Variants in DCAF1 observed in about 807,000 individuals in gnomAD.
DCAF1 encodes the protein DDB1 and CUL4 associated factor 1, also known as DDB1- and CUL4-associated factor 1.
In DCAF1, 15 loss-of-function variants were observed where a neutral mutation model predicts 128.0. The observed-to-expected ratio is 0.12, with a 90% CI of 0.08 to 0.18. DCAF1 has a LOEUF of 0.18. DCAF1 is among the 10% of genes least tolerant of loss of function. DCAF1 has a pLI of 1.00. For synonymous variants in DCAF1, 610 were observed against 603.0 expected, an observed-to-expected ratio of 1.01 and a Z score of -0.17; for missense variants, 988 against 1,649.5, an observed-to-expected ratio of 0.60 and a Z score of 6.95.
At chr3:51,414,878 G>C (rs1553629795) in intron 18 of DCAF1, 21 bp from the exon 19 acceptor site, 1 of 1,603,638 alleles carries the variant, frequency 6.2e-7, no homozygotes, top group South Asian at 1.1e-5. Flanking sequence ...GAAGGGATGG[G>C]AAGAGAAAAA....
chr3:51,450,100 A>G (rs1361727734), intron 6 of DCAF1, among the ~76,000 whole-genome samples: 2 of 152,208 alleles, frequency 1.3e-5, no homozygotes, highest in African/African-American at 2.4e-5. Context: ...AAGCCCAACA[A>G]TTTGAGAGGC....
chr3:51,412,725 T>A (rs2107170592), intron 22 of DCAF1, among the ~76,000 whole-genome samples: 1 of 152,204 alleles, frequency 6.6e-6, no homozygotes, highest in Middle Eastern at 3.4e-3. Flanking sequence ...TGGTGAGAGA[T>A]CCAGATTCCT....
chr3:51,435,538 T>C (rs79990271), intron 9 of DCAF1, among the ~76,000 whole-genome samples: 3 of 152,176 alleles, frequency 2.0e-5, no homozygotes, highest in Non-Finnish European at 4.4e-5. Context: ...TTGTGAAACC[T>C]AGCCTCTACT....
intron 9 of DCAF1, chr3:51,438,128 C>T: frequency 2.5e-6 from 1 of 406,500 alleles, no homozygotes; most frequent in Non-Finnish European, 4.8e-6. Flanking sequence ...TGTGGTTATG[C>T]ATTTTTTTTT....
At chr3:51,494,657 A>G (rs1477986250) in intron 2 of DCAF1, among the ~76,000 whole-genome samples, 1 of 152,182 alleles carries the variant, frequency 6.6e-6, no homozygotes, top group Non-Finnish European at 1.5e-5. Flanking sequence ...TTTAAAAAAC[A>G]CTACCTCTAA....
chr3:51,422,523 TACAC>T (rs1275821406), intron 13 of DCAF1, 92 bp from the exon 14 acceptor site: 1 of 688,906 alleles, frequency 1.5e-6, no homozygotes, highest in Non-Finnish European at 2.7e-6. Context: ...GATAGACACA[TACAC>T]ACAGAGACAA....
At chr3:51,489,266 TC>T (rs1277800833) in intron 2 of DCAF1, among the ~76,000 whole-genome samples, 1 of 151,514 alleles carries the variant, frequency 6.6e-6, no homozygotes, top group African/African-American at 2.4e-5. Flanking sequence ...AAATCTCGTC[TC>T]CAGTAAAAAT....
chr3:51,418,935 A>AACTGCTAGGATAGAAGAAAAAGCAC, intron 15 of DCAF1, 59 bp from the exon 16 acceptor site: 1 of 1,509,702 alleles, frequency 6.6e-7, no homozygotes, highest in Non-Finnish European at 8.9e-7. Flanking sequence ...AGAAAAAGCA[A>AACTGCTAGGATAGAAGAAAAAGCAC]ACTGCTAGGA....
At chr3:51,500,898 A>G (rs1176835589), upstream of DCAF1, among the ~76,000 whole-genome samples, 2 of 130,374 alleles carry the variant, frequency 1.5e-5, no homozygotes, top group African/African-American at 3.0e-5. Flanking sequence ...TACAGCCTCA[A>G]TCAACCTCCT....
rs1553641391 is a variant in DCAF1, at chr3:51,451,066, A to ACTCTTT, written c.376-7164_376-7163insAAAGAG. Among the ~76,000 whole-genome samples the ACTCTTT allele has an allele frequency of 1.9e-3, 63 of 32,826 alleles. 1 individual carries two copies. The highest frequency in any genetic ancestry group is 3.7e-3 in the Non-Finnish European group (54 of 14,744). The allele number at this position is 32,826 out of a possible 152,430, so 21.5% of individuals were successfully genotyped here. Reference sequence around the variant, plus strand: ...TAGCAATGAACAATATAAAAAGGAAATTCTTTTTTTTTTTTTTTTTTTTTT... The same window carrying ACTCTTT: ...TAGCAATGAACAATATAAAAAGGAAACTCTTTTTCTTTTTTTTTTTTTTTTTTTTTT... On this transcript the variant is annotated intron_variant, in intron 6 of 24. Coordinates refer to ENST00000684031, the MANE Select transcript of DCAF1 (RefSeq NM_001387579.1).
chr3:51,502,539 A>G (rs1708844093), upstream of DCAF1, among the ~76,000 whole-genome samples: 1 of 152,110 alleles, frequency 6.6e-6, no homozygotes, highest in Admixed American at 6.6e-5. Flanking sequence ...CCTGGGTGAC[A>G]GAGAGAGACT....
intron 24 of DCAF1, among the ~76,000 whole-genome samples, chr3:51,401,131 CAAAAA>C (rs57102954): frequency 5.9e-5 from 4 of 67,250 alleles, no homozygotes; most frequent in Admixed American, 1.5e-4. Context: ...GACTCCATCT[CAAAAA>C]AAAAAAAAAA....
At chr3:51,494,106 G>A (rs1707971020) in intron 2 of DCAF1, among the ~76,000 whole-genome samples, 1 of 151,106 alleles carries the variant, frequency 6.6e-6, no homozygotes, top group African/African-American at 2.4e-5. Flanking sequence ...AAATGGGTAT[G>A]AGGTTTCCTT....
Position 51,403,201 on chromosome 3 carries a change from C to G in DCAF1, c.4407G>C (p.Glu1469Asp). ...EELANLLEEGEDGEDEDSDAD... is the reference protein window; with the variant it reads ...EELANLLEEGDDGEDEDSDAD... ...CATCAGAGTCTTCATCCTCCCCGTC[C>G]TCTCCCTCCTCTAGAAGGTTTGCTA... The change falls in exon 24 of 25, where the codon GAG becomes GAC. Residue 1469 changes from glutamate to aspartate, a missense_variant. Around this residue, in one of 11 missense-constraint regions of DCAF1, gnomAD observed 97 missense variants for 134.5 expected, o/e 0.72. Transcript: ENST00000684031. The G allele has an allele frequency of 6.2e-7, 1 of 1,613,954 alleles. No homozygotes were observed. The highest frequency in any genetic ancestry group is 8.5e-7 in the Non-Finnish European group (1 of 1,179,872).
chr3:51,409,268 G>A (rs1285334469), intron 23 of DCAF1, among the ~76,000 whole-genome samples: 3 of 152,088 alleles, frequency 2.0e-5, no homozygotes, highest in African/African-American at 2.4e-5. Flanking sequence ...GTGGCCTCTC[G>A]CTTCCACAGC....
rs781952648 is a variant in DCAF1, at chr3:51,441,420, G to T, written c.991C>A (p.Leu331Ile). The change falls in exon 8 of 25, where the codon CTC becomes ATC. Residue 331 changes from leucine to isoleucine, a missense_variant. This residue lies in a region of DCAF1 where 19 missense variants were observed against 61.4 expected (regional missense o/e 0.31). Coordinates refer to ENST00000684031, the MANE Select transcript of DCAF1 (RefSeq NM_001387579.1). ...TCTCCTAGAGGGGTCAAATATTGGA[G>T]AATGAGTCGCTGCTCGATAGCAGGA... ...MTPAIEQRLI[L>I]QYLTPLGEYQ... 6.2e-7 allele frequency: 1 copy of T among 1,613,674 alleles called. No homozygotes were observed. The highest frequency in any genetic ancestry group is 1.7e-5 in the Admixed American group (1 of 59,958).
At chr3:51,498,847 A>C (rs546435473) in intron 1 of DCAF1, among the ~76,000 whole-genome samples, 84 of 152,362 alleles carry the variant, frequency 5.5e-4, no homozygotes, top group Non-Finnish European at 9.8e-4. Flanking sequence ...CATTAAAGGT[A>C]AACTCCAGTA....
At chr3:51,483,643 G>GTGTGTT in intron 3 of DCAF1, 76 bp downstream of exon 3, 1 of 913,966 alleles carries the variant, frequency 1.1e-6, no homozygotes, top group South Asian at 1.3e-5. Context: ...GTGTGTGTGT[G>GTGTGTT]TGTATGAAGA....
chr3:51,464,571 C>T (rs1274111224), intron 5 of DCAF1, among the ~76,000 whole-genome samples: 4 of 151,938 alleles, frequency 2.6e-5, no homozygotes, highest in African/African-American at 9.7e-5. Flanking sequence ...TGGCACATGC[C>T]TGTGGTCTCA....
Sources: gnomAD v4.1 joint callset for allele counts (sites outside exome capture counted in the v4.1 genomes callset) on GRCh38, gnomAD v4.1.1 for gene constraint, gnomAD v4.1.1 regional missense constraint, MANE v1.5 for transcripts, NCBI Gene and HGNC (gene_info 2026-07-23, HGNC 2026-07-21) for gene names.